The following PRKDC variants were observed in gnomAD, a reference collection of about 807,000 sequenced individuals.
PRKDC encodes protein kinase, DNA-activated, catalytic subunit.
A neutral mutation model predicts 486.9 loss-of-function variants in PRKDC; 82 were observed. The ratio of observed to expected loss-of-function variants is 0.17; its 90% CI spans 0.14 to 0.20. The LOEUF (loss-of-function observed/expected upper bound fraction) is 0.20. Ranked by LOEUF, PRKDC falls within the 10% of genes least tolerant of loss-of-function variation. The pLI, the probability that PRKDC is intolerant of heterozygous loss-of-function variation, is 1.00. For synonymous variants in PRKDC, 1,895 were observed against 1,837.0 expected (o/e 1.03, Z -0.81); for missense variants, 4,504 against 5,038.2 (o/e 0.89, Z 3.21).
intron 25 of PRKDC, among the ~76,000 whole-genome samples, chr8:47,907,977 C>A (rs908784884): frequency 6.6e-6 from 1 of 152,106 alleles, no homozygotes; most frequent in Non-Finnish European, 1.5e-5. Context: ...CTACCAGAAC[C>A]CTACAGCTAG....
chr8:47,825,860 T>C (rs1563754126), intron 63 of PRKDC, among the ~76,000 whole-genome samples: 3 of 152,196 alleles, frequency 2.0e-5, no homozygotes, highest in East Asian at 1.9e-4. Context: ...ACTTCAATTA[T>C]GATTTATTTA....
intron 73 of PRKDC, among the ~76,000 whole-genome samples, chr8:47,797,623 C>G (rs1203707760): frequency 1.3e-5 from 2 of 152,190 alleles, no homozygotes; most frequent in Non-Finnish European, 2.9e-5. Flanking sequence ...CGAAGCCTTT[C>G]AGAGGCCCTA....
At chr8:47,893,474 G>T in intron 30 of PRKDC, 87 bp from the exon 31 acceptor site, 1 of 1,305,446 alleles carries the variant, frequency 7.7e-7, no homozygotes, top group Non-Finnish European at 1.0e-6. Flanking sequence ...AAATGTTATG[G>T]GACAATCTTT....
chr8:47,875,284 A>G (rs1232661057), intron 40 of PRKDC, among the ~76,000 whole-genome samples: 1 of 152,178 alleles, frequency 6.6e-6, no homozygotes, highest in Non-Finnish European at 1.5e-5. Context: ...AGTTTCTGAG[A>G]GGTCAGTGGT....
chr8:47,946,560 C>A (rs560114406), intron 7 of PRKDC, among the ~76,000 whole-genome samples: 1 of 152,120 alleles, frequency 6.6e-6, no homozygotes, highest in African/African-American at 2.4e-5. Flanking sequence ...CAGCCCTGCA[C>A]TGCCTCCTCA....
At chr8:47,783,998 C>T (rs1191384021) in intron 77 of PRKDC, 189 bp from the exon 78 acceptor site, 1 of 580,950 alleles carries the variant, frequency 1.7e-6, no homozygotes, top group Non-Finnish European at 3.1e-6. Flanking sequence ...GTGGCTCACG[C>T]CTGTAATCCC....
At chr8:47,874,142 G>A (rs1205011139) in intron 40 of PRKDC, among the ~76,000 whole-genome samples, 1 of 151,732 alleles carries the variant, frequency 6.6e-6, no homozygotes, top group Non-Finnish European at 1.5e-5. Flanking sequence ...GTAGAGACAG[G>A]GTTTCACCTT....
chr8:47,834,686 C>CTTCT (rs1319694640), intron 58 of PRKDC, among the ~76,000 whole-genome samples: 1,364 of 96,734 alleles, frequency 0.014, 66 homozygotes, highest in African/African-American at 0.073. Flanking sequence ...GAACCCCTGA[C>CTTCT]TTTTTTTTTT....
intron 74 of PRKDC, among the ~76,000 whole-genome samples, chr8:47,790,025 A>G (rs1482112827): frequency 1.3e-5 from 2 of 152,208 alleles, no homozygotes; most frequent in Non-Finnish European, 2.9e-5. Context: ...AAGGATGCCC[A>G]CTGTTATTCC....
chr8:47,787,197 T>C (rs2086805620), intron 76 of PRKDC, among the ~76,000 whole-genome samples: 1 of 152,360 alleles, frequency 6.6e-6, no homozygotes, highest in South Asian at 2.1e-4. Context: ...TGTCAAGATT[T>C]ACCTGATCAT....
At chr8:47,803,173 G>T in intron 70 of PRKDC, 133 bp downstream of exon 70, 1 of 839,436 alleles carries the variant, frequency 1.2e-6, no homozygotes, top group Non-Finnish European at 1.8e-6. Context: ...GGCTCACTTT[G>T]CTATATTCCC....
intron 16 of PRKDC, 119 bp downstream of exon 16, chr8:47,932,901 G>C: frequency 3.4e-6 from 3 of 877,768 alleles, no homozygotes; most frequent in East Asian, 5.8e-5. Context: ...TAATAATCCT[G>C]AAGAACCAAA....
intron 22 of PRKDC, 36 bp from the exon 23 acceptor site, chr8:47,915,454 A>G (rs1487966514): frequency 8.1e-7 from 1 of 1,232,150 alleles, no homozygotes; most frequent in South Asian, 1.5e-5. Context: ...TGTGATTACA[A>G]ATGGGTTAAA....
At chr8:47,777,922 C>T (rs528353988) in intron 83 of PRKDC, 48 bp from the exon 84 acceptor site, 86 of 1,552,096 alleles carry the variant, frequency 5.5e-5, no homozygotes, top group Middle Eastern at 5.0e-4. Context: ...CCAGAACTCT[C>T]AAAGTACCGA....
At chr8:47,928,829 T>A (rs1246281455) in intron 19 of PRKDC, among the ~76,000 whole-genome samples, 1 of 152,062 alleles carries the variant, frequency 6.6e-6, no homozygotes, top group Non-Finnish European at 1.5e-5. Flanking sequence ...GGAGCTGGGA[T>A]TACAGGCGTG....
At chr8:47,861,508 G>A (rs747517786) in intron 44 of PRKDC, among the ~76,000 whole-genome samples, 6 of 152,208 alleles carry the variant, frequency 3.9e-5, no homozygotes, top group Non-Finnish European at 7.3e-5. Flanking sequence ...CATGGTAGAG[G>A]TCAGCAGCTG....
intron 32 of PRKDC, 91 bp from the exon 33 acceptor site, chr8:47,889,313 T>A: frequency 9.0e-7 from 1 of 1,111,416 alleles, no homozygotes; most frequent in Non-Finnish European, 1.3e-6. Flanking sequence ...AACTTCTGCC[T>A]GACTAAGGGA....
Position 47,836,401 on chromosome 8 carries a change from G to A in PRKDC, c.7888C>T (p.Pro2630Ser). The part of the protein sequence containing the change: ...TQEGSLSARW[P>S]VAGQIRATQQ... ...GTGGCCCTTATCTGCCCTGCCACTG[G>A]CCAGCGAGCTGAGAGGGACCCTTCC... Residue 2630 changes from proline to serine, a missense_variant, in exon 58 of 86, where the codon CCA becomes TCA. Physicochemically the swap from Pro to Ser is moderately conservative, Grantham distance 74. This residue lies in a region of PRKDC where 1,592 missense variants were observed against 1,724.6 expected (regional missense o/e 0.92). Transcript: ENST00000314191. 6.2e-7 allele frequency: 1 copy of A among 1,611,742 alleles called. No individual in the cohort carries two copies. The highest frequency in any genetic ancestry group is 2.2e-5 in the East Asian group (1 of 44,820).
rs1159683972 is a variant in PRKDC, at chr8:47,834,396, T to C, written c.7952A>G (p.Asp2651Gly). ...QHDFTLTQTA[D>G]GRSSFDWLTG... ...CAGCCAATCAAATGAGCTTCTTCCATCTGTGACATGCAATCAGAGAGGTCA... is the reference window on the plus strand; with the variant it reads ...CAGCCAATCAAATGAGCTTCTTCCACCTGTGACATGCAATCAGAGAGGTCA... Residue 2651 changes from aspartate (D) to glycine (G), a missense_variant and splice_region_variant, in exon 59 of 86, where the codon GAT (aspartate) becomes GGT (glycine). By Grantham distance (94) the Asp-to-Gly change is moderately conservative. Around this residue, in one of 6 missense-constraint regions of PRKDC, gnomAD observed 1,592 missense variants for 1,724.6 expected, o/e 0.92. Transcript: ENST00000314191. 3.1e-6 allele frequency: 5 copies of C among 1,612,930 alleles called. No individual in the cohort carries two copies. Among genetic ancestry groups the C allele is most frequent in the Non-Finnish European group, 2.5e-6 (3 of 1,179,696 alleles).
Sources: allele counts gnomAD v4.1 joint callset (sites outside exome capture counted in the v4.1 genomes callset), GRCh38; gene constraint gnomAD v4.1.1; regional missense constraint gnomAD v4.1.1; transcripts MANE v1.5; gene names NCBI Gene and HGNC (gene_info 2026-07-23, HGNC 2026-07-21).